The following PFDN4 variants were observed in gnomAD, a reference collection of about 807,000 sequenced individuals.
PFDN4 encodes the protein prefoldin 4.
PFDN4 carries 6 observed loss-of-function variants against 17.6 expected under a neutral mutation model. The observed-to-expected ratio is 0.34, with a 90% CI of 0.19 to 0.67. The LOEUF (loss-of-function observed/expected upper bound fraction) is 0.67, where lower values mean the gene tolerates loss of function less well. PFDN4 is among the 30% of genes least tolerant of loss of function. The pLI is 0.68. For missense variants in PFDN4, 119 were observed against 158.4 expected (o/e 0.75, Z 1.33); for synonymous variants, 48 against 51.1 (o/e 0.94, Z 0.26).
intron 3 of PFDN4, among the ~76,000 whole-genome samples, 176 bp from the exon 4 acceptor site, chr20:54,218,843 C>A (rs1407301304): frequency 2.6e-5 from 4 of 152,116 alleles, no homozygotes; most frequent in Non-Finnish European, 5.9e-5. Flanking sequence ...CAGATATGGA[C>A]CATGAATTAA....
chr20:54,208,768 GC>G (rs1372378466), intron 1 of PFDN4: 1 of 152,408 alleles, frequency 6.6e-6, no homozygotes, highest in African/African-American at 2.4e-5. Flanking sequence ...GGGCCCAGCA[GC>G]CGGCCGTTTA....
At chr20:54,212,195 C>CA (rs11468663) in intron 1 of PFDN4, among the ~76,000 whole-genome samples, 7,130 of 131,372 alleles carry the variant, frequency 0.054, 209 homozygotes, top group African/African-American at 0.086. Flanking sequence ...TCTGTCTCAC[C>CA]AAAAAAAAAA....
chr20:54,217,766 G>T (rs573434036), intron 3 of PFDN4, among the ~76,000 whole-genome samples: 1 of 152,150 alleles, frequency 6.6e-6, no homozygotes, highest in African/African-American at 2.4e-5. Context: ...GGTTTTCTCG[G>T]TATAGAAATT....
intron 1 of PFDN4, among the ~76,000 whole-genome samples, chr20:54,211,081 TCAAAAA>T (rs796828890): frequency 1.2e-4 from 19 of 152,186 alleles, no homozygotes; most frequent in African/African-American, 4.6e-4. Context: ...AAGACTCGTC[TCAAAAA>T]CAAAAAAACA....
intron 1 of PFDN4, among the ~76,000 whole-genome samples, chr20:54,209,394 C>G (rs1277828797): frequency 6.6e-6 from 1 of 152,118 alleles, no homozygotes; most frequent in Non-Finnish European, 1.5e-5. Context: ...GTAGGGTGAC[C>G]CATTGCCCCC....
At chr20:54,214,314 C>T (rs777838410) in intron 1 of PFDN4, 37 bp from the exon 2 acceptor site, 32 of 1,103,262 alleles carry the variant, frequency 2.9e-5, no homozygotes, top group Admixed American at 1.0e-4. Flanking sequence ...ATAACTTCTC[C>T]GTTAAAATTT....
chr20:54,210,430 A>G (rs1273807986), intron 1 of PFDN4, among the ~76,000 whole-genome samples: 1 of 152,180 alleles, frequency 6.6e-6, no homozygotes, highest in Non-Finnish European at 1.5e-5. Context: ...ACAGAGAGAG[A>G]TAGCCCTTTG....
chr20:54,215,814 T>G (rs972079162), intron 3 of PFDN4, among the ~76,000 whole-genome samples: 1 of 152,196 alleles, frequency 6.6e-6, no homozygotes, highest in African/African-American at 2.4e-5. Flanking sequence ...TAGTGAACAT[T>G]TTCCTGTATT....
intron 1 of PFDN4, 32 bp downstream of exon 1, chr20:54,208,156 G>C (rs1163488793): frequency 3.3e-6 from 5 of 1,520,632 alleles, no homozygotes; most frequent in South Asian, 1.2e-5. Context: ...CTGGATGCTC[G>C]GGCGGCGCCG....
At chr20:54,211,845 T>C (rs6127138) in intron 1 of PFDN4, among the ~76,000 whole-genome samples, 75,207 of 151,888 alleles carry the variant, frequency 0.5, 18,896 homozygotes, top group African/African-American at 0.56. Context: ...ATACAGTCTC[T>C]GGGTATATCG....
In PFDN4 at chr20:54,214,478, G is replaced by C. The variant is rs754158476; in HGVS notation, c.132+20G>C. The C allele has an allele frequency of 1.2e-5, 15 of 1,227,366 alleles. No homozygotes were observed. Among genetic ancestry groups the C allele is most frequent in the Non-Finnish European group, 1.2e-5 (10 of 867,106 alleles). 76.0% of individuals were successfully genotyped at this position (1,227,366 alleles called of 1,614,324 possible). On this transcript the variant is annotated intron_variant, in intron 2 of 3. Transcript: ENST00000371419. ...AAAAAGGTATTGAAAATAATTATTA[G>C]AAGAATAAAATTTTTTTATACTATA...
At chr20:54,211,856 A>G (rs979246885) in intron 1 of PFDN4, among the ~76,000 whole-genome samples, 2 of 152,090 alleles carry the variant, frequency 1.3e-5, no homozygotes, top group African/African-American at 4.8e-5. Flanking sequence ...GGGTATATCG[A>G]CCTGTCAATG....
chr20:54,215,250 T>G lies in PFDN4; in HGVS notation c.133-50T>G, dbSNP rs1171630133. The G allele has an allele frequency of 7.6e-6, 11 of 1,456,512 alleles. No individual in the cohort carries two copies. In the East Asian group the frequency reaches 2.3e-4, roughly 31 times the overall value. The allele number at this position is 1,456,512 out of a possible 1,614,324, so 90.2% of individuals were successfully genotyped here. On this transcript the variant is annotated intron_variant, in intron 2 of 3. Transcript: ENST00000371419. ...CCCCAAATTACAATTGGCCTTTAGC[T>G]TCTATCAGAGAACTTTGAGTACATT...
At chr20:54,209,817 G>A (rs571192639) in intron 1 of PFDN4, among the ~76,000 whole-genome samples, 221 of 152,062 alleles carry the variant, frequency 1.5e-3, no homozygotes, top group Non-Finnish European at 2.4e-3. Context: ...GTAATATGGC[G>A]TAGTCTCAGT....
chr20:54,211,858 C>A (rs1260217034), intron 1 of PFDN4, among the ~76,000 whole-genome samples: 1 of 152,142 alleles, frequency 6.6e-6, no homozygotes, highest in Non-Finnish European at 1.5e-5. Flanking sequence ...GTATATCGAC[C>A]TGTCAATGTC....
chr20:54,215,458 T>C lies in PFDN4; in HGVS notation c.273+18T>C, dbSNP rs1289939864. 9 of 1,534,452 alleles carry C rather than the reference T, an allele frequency of 5.9e-6. No individual in the cohort carries two copies. The African/African-American group carries it at 9.6e-5, about 16-fold the overall frequency. On this transcript the variant is annotated intron_variant, in intron 3 of 3. Coordinates refer to ENST00000371419, the MANE Select transcript of PFDN4 (RefSeq NM_002623.4). ...AAGCAAAGGTATGTTAAAGGTTAAT[T>C]CTGAAATTAGAATTTATATCACTAT...
At chr20:54,208,224 G>A in intron 1 of PFDN4, 100 bp downstream of exon 1, 1 of 1,137,888 alleles carries the variant, frequency 8.8e-7, no homozygotes, top group Non-Finnish European at 1.2e-6. Flanking sequence ...TCCGAAGCCC[G>A]GCGTGGGACC....
intron 1 of PFDN4, among the ~76,000 whole-genome samples, chr20:54,211,639 C>T (rs913666377): frequency 5.9e-5 from 9 of 152,136 alleles, no homozygotes; most frequent in South Asian, 2.1e-4. Context: ...TGACTCTTCC[C>T]ACCACTCTGT....
Position 54,215,294 on chromosome 20 carries a change from T to C in PFDN4, c.133-6T>C. ...GTACATTTTCTTTGCCATTTTGCAT[T>C]TATAGAAACAACTCCAAAACCTAGA... On this transcript the variant is annotated splice_polypyrimidine_tract_variant and splice_region_variant and intron_variant, in intron 2 of 3. Transcript: ENST00000371419. 3 of 1,558,150 alleles carry C rather than the reference T, an allele frequency of 1.9e-6. No homozygotes were observed. The highest frequency in any genetic ancestry group is 1.7e-6 in the Non-Finnish European group (2 of 1,148,544).
Sources: gnomAD v4.1 joint callset for allele counts (sites outside exome capture counted in the v4.1 genomes callset) on GRCh38, gnomAD v4.1.1 for gene constraint, MANE v1.5 for transcripts, NCBI Gene and HGNC (gene_info 2026-07-23, HGNC 2026-07-21) for gene names.